HTT: variants seen among roughly 807,000 people sequenced by gnomAD.
HTT encodes huntingtin.
HTT carries 104 observed loss-of-function variants against 362.3 expected under a neutral mutation model. That is an observed-to-expected ratio of 0.29 (90% CI 0.24 to 0.34). HTT has a LOEUF of 0.34. Among genes scored for constraint, HTT ranks in the 10% least tolerant of loss-of-function variants. HTT has a pLI of 1.00. For synonymous variants in HTT, 1,577 were observed against 1,548.7 expected (o/e 1.02, Z -0.43); for missense variants, 3,301 against 3,928.6 (o/e 0.84, Z 4.27).
intron 22 of HTT, among the ~76,000 whole-genome samples, chr4:3,141,159 T>A (rs1372765671): frequency 1.3e-5 from 2 of 152,244 alleles, no homozygotes; most frequent in East Asian, 3.8e-4. Flanking sequence ...ATCTGCTTCT[T>A]AGGTGAGTGG....
chr4:3,115,526 C>A lies in HTT; in HGVS notation c.889+81C>A, dbSNP rs1714974952. The A allele has an allele frequency of 2.6e-6, 3 of 1,168,812 alleles. No individual in the cohort carries two copies. The African/African-American group carries it at 4.6e-5, about 18-fold the overall frequency. 72.4% of individuals were successfully genotyped at this position (1,168,812 alleles called of 1,614,324 possible). Reference sequence around the variant, plus strand: ...TTGAAATAAATAAAACCAGATGATCCCTCAGCTTCTAGACCAGGCTATTTG... The same window carrying A: ...TTGAAATAAATAAAACCAGATGATCACTCAGCTTCTAGACCAGGCTATTTG... On this transcript the variant is annotated intron_variant, in intron 7 of 66. Transcript: ENST00000355072.
intron 29 of HTT, among the ~76,000 whole-genome samples, chr4:3,167,074 G>A (rs1423796952): frequency 6.6e-6 from 1 of 152,216 alleles, no homozygotes. Context: ...CATTTTGGAA[G>A]CATCCCTTGT....
At chr4:3,168,484 C>T (rs1158852377) in intron 29 of HTT, among the ~76,000 whole-genome samples, 1 of 152,182 alleles carries the variant, frequency 6.6e-6, no homozygotes, top group Non-Finnish European at 1.5e-5. Context: ...AATAGCAACA[C>T]TAGGAATAAA....
chr4:3,100,115 A>G (rs754550880), intron 3 of HTT, among the ~76,000 whole-genome samples: 1 of 152,222 alleles, frequency 6.6e-6, no homozygotes, highest in Non-Finnish European at 1.5e-5. Flanking sequence ...AAATGTCACT[A>G]CAGGCACCAG....
chr4:3,214,453 G>C (rs756722560), intron 50 of HTT, among the ~76,000 whole-genome samples: 1 of 152,138 alleles, frequency 6.6e-6, no homozygotes, highest in Non-Finnish European at 1.5e-5. Context: ...AGTCTTATAT[G>C]ATCATAAGAT....
intron 35 of HTT, among the ~76,000 whole-genome samples, chr4:3,178,900 T>G (rs1309372152): frequency 6.6e-6 from 1 of 152,172 alleles, no homozygotes; most frequent in African/African-American, 2.4e-5. Flanking sequence ...TGCCTGATGA[T>G]TTTGCTGGAG....
At chr4:3,233,725 C>T (rs914320149) in intron 61 of HTT, among the ~76,000 whole-genome samples, 1 of 152,226 alleles carries the variant, frequency 6.6e-6, no homozygotes, top group African/African-American at 2.4e-5. Context: ...TGGCCCAGTA[C>T]CTCCCTCTTG....
chr4:3,189,056 C>T lies in HTT; in HGVS notation c.5331C>T (p.Gly1777=), dbSNP rs756162173. 6.2e-7 allele frequency: 1 copy of T among 1,614,102 alleles called. No homozygotes were observed. The highest frequency in any genetic ancestry group is 1.7e-5 in the Admixed American group (1 of 60,020). ...QQHTFYCQEL[G]TLLMCLIHIF... Reference sequence around the variant, plus strand: ...ATACTTTCTATTGCCAGGAACTAGGCACACTGCTAATGTGTCTGATCCACA... The same window carrying T: ...ATACTTTCTATTGCCAGGAACTAGGTACACTGCTAATGTGTCTGATCCACA... The change falls in exon 40 of 67, where the codon GGC becomes GGT. Residue 1777 remains glycine (G), a synonymous_variant. Coordinates refer to ENST00000355072, the MANE Select transcript of HTT (RefSeq NM_001388492.1).
chr4:3,222,330 C>A, intron 53 of HTT, 57 bp from the exon 54 acceptor site: 1 of 1,483,562 alleles, frequency 6.7e-7, no homozygotes, highest in Non-Finnish European at 9.4e-7. Context: ...GCTGTCAGCT[C>A]TCCGTTACAG....
In HTT at chr4:3,214,793, G is replaced by T. The variant is rs362328; in HGVS notation, c.6953-317G>T. ...TACTTAAAAGCCAGACTTCTTGGAGGTTATAGTGATGATTTTGATAGTATC... is the reference window on the plus strand; with the variant it reads ...TACTTAAAAGCCAGACTTCTTGGAGTTTATAGTGATGATTTTGATAGTATC... On this transcript the variant is annotated intron_variant, in intron 50 of 66. Transcript: ENST00000355072. 2.3e-3 allele frequency among the ~76,000 whole-genome samples: 342 copies of T among 149,712 alleles called. 2 individuals are homozygous for T. Among genetic ancestry groups the T allele is most frequent in the African/African-American group, 6.1e-3 (242 of 39,360 alleles).
chr4:3,224,599 G>A (rs1048718322), intron 56 of HTT, among the ~76,000 whole-genome samples: 9 of 152,142 alleles, frequency 5.9e-5, no homozygotes, highest in African/African-American at 9.7e-5. Context: ...CAAGCCTTCC[G>A]GTTGTGTGCC....
At chr4:3,148,666 C>T (rs61792532) in intron 26 of HTT, among the ~76,000 whole-genome samples, 11,195 of 152,202 alleles carry the variant, frequency 0.074, 565 homozygotes, top group African/African-American at 0.15. Flanking sequence ...AGCATGGTGG[C>T]GGGCGCCTGT....
rs560677059 is a variant in HTT at position 3,143,401 on chromosome 4, C to T, written c.3066+515C>T. On this transcript the variant is annotated intron_variant, in intron 23 of 66. Transcript: ENST00000355072. ...GCAGTGAGCTGAGGTCAAGCCACTG[C>T]ACTCCAGCCTGTGCAATAGAGCGAG... 3.3e-3 allele frequency among the ~76,000 whole-genome samples: 447 copies of T among 135,210 alleles called. 1 individual carries two copies. Among genetic ancestry groups the T allele is most frequent in the Middle Eastern group, 0.014 (3 of 222 alleles). 88.7% of individuals were successfully genotyped at this position (135,210 alleles called of 152,430 possible).
At chr4:3,093,664 AAGG>A (rs1211901807) in intron 2 of HTT, among the ~76,000 whole-genome samples, 1 of 152,136 alleles carries the variant, frequency 6.6e-6, no homozygotes, top group African/African-American at 2.4e-5. Flanking sequence ...TATATATAAA[AAGG>A]AGGCAGAGGG....
At chr4:3,098,822 A>G (rs1713998243) in intron 2 of HTT, among the ~76,000 whole-genome samples, 1 of 152,228 alleles carries the variant, frequency 6.6e-6, no homozygotes, top group African/African-American at 2.4e-5. Context: ...GGTTCCAAGA[A>G]TATTGTAGGT....
At position 3,140,652 on chromosome 4, in the gene HTT, A is replaced by G; in HGVS notation, c.2941A>G (p.Thr981Ala). Reference protein sequence around the residue: ...PPSHFSVSTITRIYRGYNLLP... With the variant: ...PPSHFSVSTIARIYRGYNLLP... ...ATCTCATTTCTCCGTCAGCACAATAACCAGGTATGCTGACCCAGTGGCATC... is the reference window on the plus strand; with the variant it reads ...ATCTCATTTCTCCGTCAGCACAATAGCCAGGTATGCTGACCCAGTGGCATC... The change falls in exon 22 of 67, where the codon ACC becomes GCC. Residue 981 changes from threonine to alanine, a missense_variant. By Grantham distance (58) the Thr-to-Ala change is moderately conservative. Around this residue, in one of 4 missense-constraint regions of HTT, gnomAD observed 2,316 missense variants for 2,658.5 expected, o/e 0.87. Coordinates refer to ENST00000355072, the MANE Select transcript of HTT (RefSeq NM_001388492.1). 6.2e-7 allele frequency: 1 copy of G among 1,613,918 alleles called. No homozygotes were observed. The highest frequency in any genetic ancestry group is 8.5e-7 in the Non-Finnish European group (1 of 1,179,850).
intron 29 of HTT, among the ~76,000 whole-genome samples, chr4:3,165,796 C>T (rs1717673798): frequency 6.6e-6 from 1 of 151,822 alleles, no homozygotes; most frequent in African/African-American, 2.4e-5. Flanking sequence ...ACTGGTTATT[C>T]TAGCCATTAG....
chr4:3,134,718 G>A (rs1013920116), intron 19 of HTT, among the ~76,000 whole-genome samples, 178 bp downstream of exon 19: 1 of 152,118 alleles, frequency 6.6e-6, no homozygotes, highest in Non-Finnish European at 1.5e-5. Flanking sequence ...CCCTATGCTT[G>A]GAATTTTATT....
At chr4:3,087,058 A>T (rs1430189836) in intron 2 of HTT, 36 bp downstream of exon 2, 3 of 1,159,102 alleles carry the variant, frequency 2.6e-6, no homozygotes, top group Non-Finnish European at 3.8e-6. Flanking sequence ...GAAAATAAGA[A>T]CTTTGTATAT....
Sources: gnomAD v4.1 joint callset for allele counts (sites outside exome capture counted in the v4.1 genomes callset) on GRCh38, gnomAD v4.1.1 for gene constraint, gnomAD v4.1.1 regional missense constraint, MANE v1.5 for transcripts, NCBI Gene and HGNC (gene_info 2026-07-23, HGNC 2026-07-21) for gene names.